The following PSME3IP1 variants were observed in gnomAD, a reference collection of about 807,000 sequenced individuals.
PSME3IP1 encodes the protein PSME3-interacting protein.
A neutral mutation model predicts 34.1 loss-of-function variants in PSME3IP1; 13 were observed. That is an observed-to-expected ratio of 0.38 (90% CI 0.25 to 0.61). The LOEUF is 0.61. Ranked by LOEUF, PSME3IP1 falls within the 20% of genes least tolerant of loss-of-function variation. PSME3IP1 has a pLI of 0.60. For missense variants in PSME3IP1, 237 were observed against 301.4 expected, an observed-to-expected ratio of 0.79 and a Z score of 1.58; for synonymous variants, 93 against 114.3, an observed-to-expected ratio of 0.81 and a Z score of 1.19.
intron 6 of PSME3IP1, among the ~76,000 whole-genome samples, chr16:57,158,685 T>A (rs2070859117): frequency 6.6e-6 from 1 of 152,202 alleles, no homozygotes; most frequent in Admixed American, 6.5e-5. Context: ...AATGAGGTAT[T>A]TCATTTTATC....
chr16:57,173,345 A>G (rs1488107301), intron 2 of PSME3IP1, among the ~76,000 whole-genome samples: 1 of 152,096 alleles, frequency 6.6e-6, no homozygotes, highest in Non-Finnish European at 1.5e-5. Context: ...AGTATGGACA[A>G]TTGGCCAGGC....
At chr16:57,185,417 T>C in intron 1 of PSME3IP1, 1 of 729,190 alleles carries the variant, frequency 1.4e-6, no homozygotes, top group Non-Finnish European at 1.7e-6. Context: ...GTGCTTCCCA[T>C]CCTGCACTGC....
intron 3 of PSME3IP1, 152 bp downstream of exon 3, chr16:57,172,624 G>A (rs2072718358): frequency 1.4e-6 from 1 of 739,200 alleles, no homozygotes; most frequent in Admixed American, 2.3e-5. Context: ...GGTCTAGAAG[G>A]CTGAAGGCTG....
intron 4 of PSME3IP1, among the ~76,000 whole-genome samples, chr16:57,169,386 G>C (rs1401620701): frequency 6.6e-6 from 1 of 152,188 alleles, no homozygotes; most frequent in African/African-American, 2.4e-5. Context: ...CCTAGAAACA[G>C]TTCCTAACTT....
intron 1 of PSME3IP1, chr16:57,185,597 C>T (rs900738992): frequency 4.1e-6 from 4 of 985,422 alleles, no homozygotes; most frequent in Non-Finnish European, 4.8e-6. Flanking sequence ...TTGGGCCCGC[C>T]TGAAAGGGTC....
At position 57,153,425 on chromosome 16, in the gene PSME3IP1, T is replaced by C. The variant is rs1487859608; in HGVS notation, c.*865A>G. On this transcript the variant is annotated 3_prime_UTR_variant, in exon 7 of 7. Coordinates refer to ENST00000309137, the MANE Select transcript of PSME3IP1 (RefSeq NM_024946.4). ...GCAAGTGTGTCCCACTCATTTACAA[T>C]ATTAGGATTCCAGGAGCTGCCAGAA... The C allele has an allele frequency of 6.6e-6, 1 of 152,240 alleles. No individual in the cohort carries two copies. The highest frequency in any genetic ancestry group is 2.4e-5 in the African/African-American group (1 of 41,468). 9.4% of individuals were successfully genotyped at this position (152,240 alleles called of 1,614,324 possible).
chr16:57,167,340 A>G, intron 4 of PSME3IP1, 114 bp from the exon 5 acceptor site: 3 of 1,165,008 alleles, frequency 2.6e-6, no homozygotes, highest in Non-Finnish European at 3.8e-6. Flanking sequence ...TAAATGCCCC[A>G]CCCTTCTTTA....
chr16:57,183,625 G>A (rs893274803), intron 1 of PSME3IP1, among the ~76,000 whole-genome samples: 2 of 152,166 alleles, frequency 1.3e-5, no homozygotes, highest in African/African-American at 2.4e-5. Context: ...AAGCTACCAC[G>A]CCCAGCCAAA....
chr16:57,172,524 T>TA (rs538691881), intron 3 of PSME3IP1, 152 bp from the exon 4 acceptor site: 2,271 of 856,072 alleles, frequency 2.7e-3, no homozygotes, highest in Non-Finnish European at 3.0e-3. Flanking sequence ...TAACAGGGCA[T>TA]AAAAAAAAAC....
rs554350822 is a variant in PSME3IP1 at position 57,169,173 on chromosome 16, A to G, written c.349-1947T>C. 3.3e-5 allele frequency among the ~76,000 whole-genome samples: 5 copies of G among 152,304 alleles called. No homozygotes were observed. The South Asian group carries it at 1.0e-3, about 32-fold the overall frequency. ...TTCTCCCAAAATGCTTTAAAAACAC[A>G]AACACACCTCAAAAATCTCAAGAAA... On this transcript the variant is annotated intron_variant, in intron 4 of 6. Transcript: ENST00000309137.
intron 1 of PSME3IP1, among the ~76,000 whole-genome samples, chr16:57,185,313 TTTC>T (rs2074073288): frequency 6.6e-6 from 1 of 152,230 alleles, no homozygotes; most frequent in Non-Finnish European, 1.5e-5. Context: ...ACTCTCTTTG[TTTC>T]TTAAGTTTTC....
chr16:57,163,800 T>C (rs2071545193), intron 6 of PSME3IP1, among the ~76,000 whole-genome samples: 1 of 152,234 alleles, frequency 6.6e-6, no homozygotes, highest in East Asian at 1.9e-4. Context: ...TAATAACTTT[T>C]GCAGGTATAA....
In PSME3IP1 at chr16:57,154,201, G is replaced by GT. The variant is rs1381361894; in HGVS notation, c.*88dup. The GT allele has an allele frequency of 1.6e-3, 1,745 of 1,097,508 alleles. No homozygotes were observed. Among genetic ancestry groups the GT allele is most frequent in the Non-Finnish European group, 2.0e-3 (1,476 of 752,154 alleles). The allele number at this position is 1,097,508 out of a possible 1,614,324, so 68.0% of individuals were successfully genotyped here. A position where few individuals can be genotyped will look rare whatever the true frequency, so the allele number is the denominator to read the frequency against. ...TTGTACACAGGATGCAGGCAAAGGA[G>GT]TTTTTTTTTGAGGGACATAATGCCT... On this transcript the variant is annotated 3_prime_UTR_variant, in exon 7 of 7. Coordinates refer to ENST00000309137, the MANE Select transcript of PSME3IP1 (RefSeq NM_024946.4). This position sits in a 1 kb window ranked among gnomAD's most constrained non-coding sequence, Gnocchi z 4.0.
Position 57,154,506 on chromosome 16 carries a change from C to G in PSME3IP1, c.549G>C (p.Glu183Asp). 2 of 1,600,890 alleles carry G rather than the reference C, an allele frequency of 1.2e-6. No individual in the cohort carries two copies. Among genetic ancestry groups the G allele is most frequent in the Non-Finnish European group, 1.7e-6 (2 of 1,172,434 alleles). The stretch of plus-strand genomic sequence containing the variant: ...TTCCGAGAGACTTGCAGGATGAGGG[C>G]TCTGCAATAAAAGGGGAAAGACTGT... ...PDPEPDDKNQ[E>D]PSSCKSLGNT... Residue 183 changes from glutamate to aspartate, a missense_variant and splice_region_variant, in exon 7 of 7, where the codon GAG becomes GAC. Physicochemically the swap from Glu to Asp is conservative, Grantham distance 45. Coordinates refer to ENST00000309137, the MANE Select transcript of PSME3IP1 (RefSeq NM_024946.4). The surrounding 1 kb of genome is among the most constrained non-coding windows in gnomAD (Gnocchi z 4.0).
intron 4 of PSME3IP1, among the ~76,000 whole-genome samples, chr16:57,171,280 C>T (rs1268360387): frequency 6.6e-6 from 1 of 152,118 alleles, no homozygotes; most frequent in African/African-American, 2.4e-5. Context: ...AGAAGGCCAG[C>T]AGGCTGCAGT....
rs1222351127 is a variant in PSME3IP1 at position 57,178,832 on chromosome 16, A to C, written c.-15-4963T>G. 8 of 985,090 alleles carry C rather than the reference A, an allele frequency of 8.1e-6. No individual in the cohort carries two copies. In the African/African-American group the frequency reaches 1.4e-4, roughly 17 times the overall value. 61.0% of individuals were successfully genotyped at this position (985,090 alleles called of 1,614,324 possible). The stretch of plus-strand genomic sequence containing the variant: ...TGATGGAGACAGCGTTTTTGTTTGA[A>C]GAGTCCAATGGCTGTTTATTCTGCA... On this transcript the variant is annotated intron_variant, in intron 1 of 6. Coordinates refer to ENST00000309137, the MANE Select transcript of PSME3IP1 (RefSeq NM_024946.4).
In PSME3IP1 at chr16:57,154,982, T is replaced by C. The variant is rs2070348079; in HGVS notation, c.548-475A>G. 6.6e-6 allele frequency among the ~76,000 whole-genome samples: 1 copy of C among 152,362 alleles called. No individual in the cohort carries two copies. Among genetic ancestry groups the C allele is most frequent in the Admixed American group, 6.5e-5 (1 of 15,304 alleles). ...TGACCAATAAGCCAGCTAGCACAGA[T>C]ACAATTTTAAGGCCAAACATCAGCT... is the stretch of plus-strand genomic sequence containing the variant. On this transcript the variant is annotated intron_variant, in intron 6 of 6. Transcript: ENST00000309137. The surrounding 1 kb of genome is among the most constrained non-coding windows in gnomAD (Gnocchi z 4.0).
At chr16:57,171,047 T>G (rs1222105348) in intron 4 of PSME3IP1, among the ~76,000 whole-genome samples, 3 of 151,206 alleles carry the variant, frequency 2.0e-5, no homozygotes, top group African/African-American at 7.3e-5. Context: ...CAGTCCAGCC[T>G]GGGCAACAAG....
chr16:57,155,695 A>T (rs2070431977), intron 6 of PSME3IP1, among the ~76,000 whole-genome samples: 1 of 152,034 alleles, frequency 6.6e-6, no homozygotes, highest in Non-Finnish European at 1.5e-5. Context: ...CCCAGTTACT[A>T]GGGAGACTGA....
Sources: gnomAD v4.1 joint callset for allele counts (sites outside exome capture counted in the v4.1 genomes callset) on GRCh38, gnomAD v4.1.1 for gene constraint, Gnocchi (gnomAD v3.1) non-coding constraint, MANE v1.5 for transcripts, NCBI Gene and HGNC (gene_info 2026-07-23, HGNC 2026-07-21) for gene names.